The following DIP2B variants were observed in gnomAD, a reference collection of about 807,000 sequenced individuals.
The protein encoded by DIP2B is DIP2 acetate--CoA ligase B (putative), also known as disco-interacting protein 2 homolog B.
DIP2B carries 76 observed loss-of-function variants against 198.0 expected under a neutral mutation model. The ratio of observed to expected loss-of-function variants is 0.38; its 90% CI spans 0.32 to 0.46. DIP2B has a LOEUF of 0.46. Among genes scored for constraint, DIP2B ranks in the 20% least tolerant of loss-of-function variants. The probability of loss-of-function intolerance (pLI) is 0.99; values close to 1 mark genes in which losing one functional copy is unlikely to be tolerated. For missense variants in DIP2B, 1,559 were observed against 1,978.4 expected, an observed-to-expected ratio of 0.79 and a Z score of 4.02; for synonymous variants, 701 against 739.1, an observed-to-expected ratio of 0.95 and a Z score of 0.84.
chr12:50,510,660 TTTGA>T (rs1292662930), intron 1 of DIP2B, among the ~76,000 whole-genome samples: 1 of 151,892 alleles, frequency 6.6e-6, no homozygotes. Flanking sequence ...TTTTTTTTTT[TTTGA>T]GACGGAGTTT....
At chr12:50,584,393 AATGCATTCACT>A (rs778264231) in intron 1 of DIP2B, among the ~76,000 whole-genome samples, 118 of 152,052 alleles carry the variant, frequency 7.8e-4, no homozygotes, top group Non-Finnish European at 1.6e-3. Flanking sequence ...ACATATCTCA[AATGCATTCACT>A]TCTCTCCGTC....
intron 1 of DIP2B, among the ~76,000 whole-genome samples, chr12:50,525,699 T>C (rs1216030289): frequency 6.6e-6 from 1 of 151,972 alleles, no homozygotes; most frequent in African/African-American, 2.4e-5. Flanking sequence ...ATTTTGTAGC[T>C]ACAGGATCTC....
At chr12:50,730,280 C>T (rs796966062) in intron 30 of DIP2B, among the ~76,000 whole-genome samples, 4 of 152,210 alleles carry the variant, frequency 2.6e-5, no homozygotes, top group African/African-American at 9.6e-5. Context: ...GGCCTTACTT[C>T]TCCATTCACC....
intron 1 of DIP2B, among the ~76,000 whole-genome samples, chr12:50,540,702 C>A (rs889973914): frequency 1.3e-5 from 2 of 151,870 alleles, no homozygotes; most frequent in Admixed American, 1.3e-4. Flanking sequence ...GTGCCCGCCA[C>A]GGCGCCCGGC....
intron 25 of DIP2B, among the ~76,000 whole-genome samples, chr12:50,719,658 A>T (rs1939796588): frequency 6.6e-6 from 1 of 151,866 alleles, no homozygotes; most frequent in African/African-American, 2.4e-5. Flanking sequence ...CCTGACCAAC[A>T]TGTGAAACGC....
chr12:50,695,757 C>T, intron 15 of DIP2B, 91 bp from the exon 16 acceptor site: 4 of 1,531,208 alleles, frequency 2.6e-6, no homozygotes, highest in Non-Finnish European at 3.6e-6. Context: ...TATCATGATT[C>T]CCCAAATAAG....
In DIP2B at chr12:50,718,566, T is replaced by A; in HGVS notation, c.2852-143T>A. 4.4e-6 allele frequency: 3 copies of A among 679,316 alleles called. No individual in the cohort carries two copies. The South Asian group carries it at 5.7e-5, about 13-fold the overall frequency. The allele number at this position is 679,316 out of a possible 1,614,324, so 42.1% of individuals were successfully genotyped here. Reference sequence around the variant, plus strand: ...AATGCAGGCTCTTTGCCCTATTTGCTCCTGGGTTCCCAGTGCCTAGAAGAG... The same window carrying A: ...AATGCAGGCTCTTTGCCCTATTTGCACCTGGGTTCCCAGTGCCTAGAAGAG... On this transcript the variant is annotated intron_variant, in intron 23 of 37. Transcript: ENST00000301180.
intron 1 of DIP2B, among the ~76,000 whole-genome samples, chr12:50,589,236 TTG>T (rs1464455084): frequency 2.0e-4 from 27 of 135,338 alleles, no homozygotes; most frequent in African/African-American, 1.0e-3. Flanking sequence ...TTGTTTGTCT[TTG>T]TTTTTTTTTT....
Position 50,728,530 on chromosome 12 carries a change from A to C in DIP2B, c.3511-18A>C, listed in dbSNP as rs368551087. 88 of 1,611,584 alleles carry C rather than the reference A, an allele frequency of 5.5e-5. No homozygotes were observed. In the African/African-American group the frequency reaches 8.9e-4, roughly 16 times the overall value. On this transcript the variant is annotated intron_variant, in intron 29 of 37. Coordinates refer to ENST00000301180, the MANE Select transcript of DIP2B (RefSeq NM_173602.3). ...TGGGATAACAGTCCCAGCCTGTTCC[A>C]TTTTCCATACTTTCCAGATGTCCCA...
At chr12:50,650,578 G>A (rs542787225) in intron 3 of DIP2B, among the ~76,000 whole-genome samples, 2 of 152,234 alleles carry the variant, frequency 1.3e-5, no homozygotes, top group African/African-American at 4.8e-5. Context: ...TTTGTGATTG[G>A]CTTATTTTAC....
intron 1 of DIP2B, among the ~76,000 whole-genome samples, chr12:50,620,681 G>A (rs1937794871): frequency 6.6e-6 from 1 of 152,202 alleles, no homozygotes; most frequent in Non-Finnish European, 1.5e-5. Context: ...CCATTTTAAT[G>A]CAAATTTTAT....
chr12:50,595,957 G>C (rs1244763368), intron 1 of DIP2B, among the ~76,000 whole-genome samples: 2 of 152,142 alleles, frequency 1.3e-5, no homozygotes, highest in Non-Finnish European at 2.9e-5. Context: ...ATCTCCAGTA[G>C]TTCCTGGAAC....
chr12:50,737,137 T>A (rs747581643), intron 35 of DIP2B, 27 bp downstream of exon 35: 2 of 1,598,680 alleles, frequency 1.3e-6, no homozygotes, highest in African/African-American at 2.7e-5. Context: ...ATTTTTACTC[T>A]GAAAAGTCAG....
At position 50,556,057 on chromosome 12, in the gene DIP2B, GT is replaced by G. The variant is rs370361442; in HGVS notation, c.100+50825del. On this transcript the variant is annotated intron_variant, in intron 1 of 37. Transcript: ENST00000301180. Reference sequence around the variant, plus strand: ...CGTGTCACATCTCTGACTCTTCATTGTTTTTTTTCCCCCCAAGATGGAGTCT... The same window carrying G: ...CGTGTCACATCTCTGACTCTTCATTGTTTTTTTCCCCCCAAGATGGAGTCT... Among the ~76,000 whole-genome samples the G allele has an allele frequency of 5.5e-3, 835 of 151,820 alleles. 2 individuals are homozygous for G. The highest frequency in any genetic ancestry group is 0.019 in the African/African-American group (787 of 41,398).
At chr12:50,574,095 T>C (rs1031707567) in intron 1 of DIP2B, among the ~76,000 whole-genome samples, 11 of 152,136 alleles carry the variant, frequency 7.2e-5, no homozygotes, top group African/African-American at 2.7e-4. Context: ...TACAAACAAA[T>C]GTGAAGGACA....
chr12:50,652,338 A>G (rs1219693941), intron 3 of DIP2B, among the ~76,000 whole-genome samples: 1 of 104,202 alleles, frequency 9.6e-6, no homozygotes, highest in Non-Finnish European at 1.9e-5. Flanking sequence ...TATATATAAT[A>G]TATATAATAC....
At chr12:50,724,339 G>A (rs1025239853) in intron 27 of DIP2B, among the ~76,000 whole-genome samples, 3 of 152,168 alleles carry the variant, frequency 2.0e-5, no homozygotes, top group Non-Finnish European at 4.4e-5. Flanking sequence ...GGGTTCCTTA[G>A]GTTCAGTGTA....
intron 1 of DIP2B, among the ~76,000 whole-genome samples, chr12:50,585,932 T>C (rs1958766477): frequency 6.6e-6 from 1 of 152,248 alleles, no homozygotes; most frequent in Non-Finnish European, 1.5e-5. Context: ...AAGGATCTTA[T>C]CTGTCTGTTC....
At chr12:50,653,201 T>C (rs557458785) in intron 3 of DIP2B, among the ~76,000 whole-genome samples, 48 of 152,208 alleles carry the variant, frequency 3.2e-4, no homozygotes, top group African/African-American at 1.1e-3. Flanking sequence ...TTACTAGTTA[T>C]AGATCTGTTG....
Sources: gnomAD v4.1 joint callset for allele counts (sites outside exome capture counted in the v4.1 genomes callset) on GRCh38, gnomAD v4.1.1 for gene constraint, MANE v1.5 for transcripts, NCBI Gene and HGNC (gene_info 2026-07-23, HGNC 2026-07-21) for gene names.